Variants in ASTN2 observed in about 807,000 individuals in gnomAD.
ASTN2 encodes the protein astrotactin 2, also known as astrotactin-2.
In ASTN2, 54 loss-of-function variants were observed where a neutral mutation model predicts 139.8. The ratio of observed to expected loss-of-function variants is 0.39; its 90% CI spans 0.31 to 0.48. The LOEUF (loss-of-function observed/expected upper bound fraction) is 0.48, where lower values mean the gene tolerates loss of function less well. ASTN2 is among the 20% of genes least tolerant of loss of function. The pLI, the probability that ASTN2 is intolerant of heterozygous loss-of-function variation, is 0.95. For synonymous variants in ASTN2, 756 were observed against 719.5 expected, an observed-to-expected ratio of 1.05 and a Z score of -0.81; for missense variants, 1,565 against 1,725.1, an observed-to-expected ratio of 0.91 and a Z score of 1.64.
At chr9:117,111,473 G>T (rs1829248239) in intron 4 of ASTN2, among the ~76,000 whole-genome samples, 1 of 150,292 alleles carries the variant, frequency 6.7e-6, no homozygotes, top group African/African-American at 2.4e-5. Context: ...ATTAAATGAA[G>T]AAAATAATCA....
intron 6 of ASTN2, among the ~76,000 whole-genome samples, chr9:117,013,668 T>C (rs566856963): frequency 6.6e-6 from 1 of 152,110 alleles, no homozygotes; most frequent in African/African-American, 2.4e-5. Context: ...TCAGCCTGCT[T>C]CTGTAATTGT....
intron 5 of ASTN2, among the ~76,000 whole-genome samples, chr9:117,056,690 C>A (rs569665719): frequency 2.1e-4 from 32 of 152,312 alleles, no homozygotes; most frequent in African/African-American, 7.7e-4. Context: ...GGCACCTCTC[C>A]CTGGAAGCCC....
At chr9:116,651,272 CACAA>C (rs964135809) in intron 17 of ASTN2, among the ~76,000 whole-genome samples, 7 of 152,204 alleles carry the variant, frequency 4.6e-5, no homozygotes, top group African/African-American at 9.6e-5. Flanking sequence ...TGGGATGTTG[CACAA>C]ACAAACAAAC....
At chr9:116,537,127 G>T (rs1851668797) in intron 19 of ASTN2, among the ~76,000 whole-genome samples, 1 of 152,220 alleles carries the variant, frequency 6.6e-6, no homozygotes, top group South Asian at 2.1e-4. Context: ...CAATGAGTGA[G>T]GCTCCATGGG....
intron 19 of ASTN2, chr9:116,504,322 G>A (rs909917755): frequency 5.3e-5 from 8 of 152,048 alleles, no homozygotes; most frequent in Admixed American, 2.6e-4. Flanking sequence ...ATCTGACATC[G>A]CCAGGATGGG....
chr9:117,356,003 G>C (rs755845610), intron 1 of ASTN2, among the ~76,000 whole-genome samples: 1 of 152,154 alleles, frequency 6.6e-6, no homozygotes, highest in African/African-American at 2.4e-5. Context: ...CAATTGCAGA[G>C]TGTGCCGGTG....
intron 7 of ASTN2, among the ~76,000 whole-genome samples, chr9:116,994,187 AC>A (rs1173497689): frequency 6.6e-6 from 1 of 152,186 alleles, no homozygotes; most frequent in Non-Finnish European, 1.5e-5. Flanking sequence ...GTTCAGGTTT[AC>A]AAGCCATAGG....
At chr9:117,180,719 G>C in intron 3 of ASTN2, 3 of 1,578,526 alleles carry the variant, frequency 1.9e-6, no homozygotes, top group Non-Finnish European at 2.6e-6. Flanking sequence ...TGCAGGGCCC[G>C]CCACTTGTCC....
intron 7 of ASTN2, among the ~76,000 whole-genome samples, chr9:117,003,949 CGCGCGT>C: frequency 7.8e-6 from 1 of 128,736 alleles, no homozygotes; most frequent in South Asian, 2.5e-4. Flanking sequence ...CACGCGCGCG[CGCGCGT>C]GTGTGTGTGT....
intron 10 of ASTN2, among the ~76,000 whole-genome samples, chr9:116,883,230 T>A (rs1017129961): frequency 6.6e-6 from 1 of 152,184 alleles, no homozygotes; most frequent in African/African-American, 2.4e-5. Flanking sequence ...TATGTATAAC[T>A]GATGATATGG....
rs187908501 is a variant in ASTN2, at chr9:117,055,379, G to A, written c.1277-15414C>T. On this transcript the variant is annotated intron_variant, in intron 5 of 22. Transcript: ENST00000313400. Reference sequence around the variant, plus strand: ...TGCCTGTAATCCCAACACTTTGGGAGGCCGAGGTGAGAGGACCACTTGAGC... The same window carrying A: ...TGCCTGTAATCCCAACACTTTGGGAAGCCGAGGTGAGAGGACCACTTGAGC... 3.8e-4 allele frequency among the ~76,000 whole-genome samples: 58 copies of A among 152,328 alleles called. 1 individual carries two copies. The highest frequency in any genetic ancestry group is 1.3e-3 in the African/African-American group (56 of 41,560).
At chr9:116,535,623 T>C (rs929440662) in intron 19 of ASTN2, among the ~76,000 whole-genome samples, 2 of 152,166 alleles carry the variant, frequency 1.3e-5, no homozygotes, top group African/African-American at 4.8e-5. Context: ...TGAAGCTTAG[T>C]TTCGCTGGAT....
intron 5 of ASTN2, among the ~76,000 whole-genome samples, chr9:117,077,608 C>T (rs541921630): frequency 6.6e-6 from 1 of 152,128 alleles, no homozygotes; most frequent in East Asian, 1.9e-4. Context: ...ATTAGGAAGC[C>T]ATGGTGGCAA....
At chr9:116,587,395 G>C (rs1194549310) in intron 19 of ASTN2, among the ~76,000 whole-genome samples, 1 of 150,108 alleles carries the variant, frequency 6.7e-6, no homozygotes, top group Non-Finnish European at 1.5e-5. Context: ...TCAGATCTCA[G>C]GCAATCTTAT....
intron 1 of ASTN2, among the ~76,000 whole-genome samples, chr9:117,382,964 T>C (rs535679203): frequency 1.3e-5 from 2 of 152,316 alleles, no homozygotes; most frequent in African/African-American, 4.8e-5. Context: ...AGAACTTTTT[T>C]AGTGAAGGGC....
chr9:116,866,921 G>A (rs2132346275), intron 10 of ASTN2, among the ~76,000 whole-genome samples: 1 of 149,944 alleles, frequency 6.7e-6, no homozygotes, highest in African/African-American at 2.4e-5. Flanking sequence ...AAAGACAGAG[G>A]GACCTGAGAA....
chr9:117,056,922 C>T (rs568420513), intron 5 of ASTN2, among the ~76,000 whole-genome samples: 12 of 152,162 alleles, frequency 7.9e-5, no homozygotes, highest in Non-Finnish European at 1.3e-4. Flanking sequence ...CAAGGAATCA[C>T]GTCTTTCAAA....
At chr9:117,016,018 C>G (rs576607635) in intron 6 of ASTN2, among the ~76,000 whole-genome samples, 106 of 152,240 alleles carry the variant, frequency 7.0e-4, no homozygotes, top group African/African-American at 2.4e-3. Context: ...TATTGTATAT[C>G]TGCTTATACA....
At chr9:116,664,774 A>G (rs1324606014) in intron 16 of ASTN2, among the ~76,000 whole-genome samples, 2 of 152,200 alleles carry the variant, frequency 1.3e-5, no homozygotes, top group African/African-American at 4.8e-5. Context: ...TTGATTTTAC[A>G]GTTTAGTGAG....
Sources: allele counts gnomAD v4.1 joint callset (sites outside exome capture counted in the v4.1 genomes callset), GRCh38; gene constraint gnomAD v4.1.1; transcripts MANE v1.5; gene names NCBI Gene and HGNC (gene_info 2026-07-23, HGNC 2026-07-21).